Variants in ANKRD24 observed in about 807,000 individuals in gnomAD.
ANKRD24 encodes the protein ankyrin repeat domain 24.
In ANKRD24, 109 loss-of-function variants were observed where a neutral mutation model predicts 127.8. The observed-to-expected ratio is 0.85, with a 90% CI of 0.73 to 1.00. ANKRD24 has a LOEUF of 1.00. Ranked by LOEUF, ANKRD24 falls within the 50% of genes least tolerant of loss-of-function variation. The probability of loss-of-function intolerance (pLI) is 0.00; values close to 1 mark genes in which losing one functional copy is unlikely to be tolerated. For missense variants in ANKRD24, 1,648 were observed against 1,570.2 expected, an observed-to-expected ratio of 1.05 and a Z score of -0.84; for synonymous variants, 743 against 671.1, an observed-to-expected ratio of 1.11 and a Z score of -1.66.
intron 15 of ANKRD24, among the ~76,000 whole-genome samples, chr19:4,214,753 C>CT (rs1450670011): frequency 2.6e-5 from 4 of 152,122 alleles, no homozygotes; most frequent in Non-Finnish European, 5.9e-5. Context: ...ACTCGGGAGG[C>CT]TAAGGCAGGA....
chr19:4,207,684 T>C, intron 9 of ANKRD24, 77 bp downstream of exon 9: 1 of 1,596,456 alleles, frequency 6.3e-7, no homozygotes, highest in South Asian at 1.1e-5. Context: ...TAAGACGATC[T>C]AGCCAGCCTC....
chr19:4,212,444 T>A (rs1014942906), intron 13 of ANKRD24, 31 bp from the exon 14 acceptor site: 1 of 1,572,504 alleles, frequency 6.4e-7, no homozygotes, highest in African/African-American at 1.4e-5. Flanking sequence ...CTTGCCCAGA[T>A]CCAAACCCCT....
At position 4,200,120 on chromosome 19, in the gene ANKRD24, C is replaced by A; in HGVS notation, c.292C>A (p.Leu98Met). ...LAAMRGAASC[L>M]EVMIAHGSNV... ...GGCCATGCGGGGTGCGGCCAGCTGT[C>A]TGGAGGTGATGATAGCTCATGGCAG... The change falls in exon 5 of 22, where the codon CTG becomes ATG. Residue 98 changes from leucine to methionine, a missense_variant. Coordinates refer to ENST00000318934, the MANE Select transcript of ANKRD24 (RefSeq NM_001393985.1). The A allele has an allele frequency of 6.2e-7, 1 of 1,606,648 alleles. No individual in the cohort carries two copies. Among genetic ancestry groups the A allele is most frequent in the East Asian group, 2.2e-5 (1 of 44,526 alleles).
At chr19:4,219,548 G>C (rs1221022361) in intron 18 of ANKRD24, 43 bp from the exon 19 acceptor site, 1 of 1,557,012 alleles carries the variant, frequency 6.4e-7, no homozygotes, top group Non-Finnish European at 8.7e-7. Flanking sequence ...AGCATCATTG[G>C]AGTCTTAGTG....
At chr19:4,202,204 A>T in intron 6 of ANKRD24, 114 bp downstream of exon 6, 2 of 966,618 alleles carry the variant, frequency 2.1e-6, no homozygotes, top group Non-Finnish European at 3.3e-6. Flanking sequence ...GGCCCCTTTT[A>T]CTCCAGAACC....
rs1968073995 is a variant in ANKRD24 at position 4,186,529 on chromosome 19, C to T, written c.36+68C>T. On this transcript the variant is annotated intron_variant, in intron 2 of 21. Transcript: ENST00000318934. ...CAGCCTTCTGTCTCCTGGGGCTTGG[C>T]TGAAGATCCACCCTTTCATTCCAGT... The T allele has an allele frequency of 3.3e-6, 5 of 1,526,112 alleles. No individual in the cohort carries two copies. The African/African-American group carries it at 5.5e-5, about 17-fold the overall frequency. The allele number at this position is 1,526,112 out of a possible 1,614,324, so 94.5% of individuals were successfully genotyped here.
chr19:4,185,277 T>A (rs1967997774), intron 1 of ANKRD24, among the ~76,000 whole-genome samples: 2 of 150,218 alleles, frequency 1.3e-5, no homozygotes, highest in South Asian at 4.2e-4. Flanking sequence ...TGAAGAACCA[T>A]GAGAACATGA....
At chr19:4,223,586 T>C (rs1970582631) in intron 20 of ANKRD24, among the ~76,000 whole-genome samples, 1 of 150,352 alleles carries the variant, frequency 6.7e-6, no homozygotes, top group Admixed American at 6.6e-5. Flanking sequence ...TTTTTGTTTT[T>C]TTTGAGTCTC....
In ANKRD24 at chr19:4,205,585, C is replaced by T. The variant is rs534957327; in HGVS notation, c.467-1657C>T. 3.3e-5 allele frequency among the ~76,000 whole-genome samples: 5 copies of T among 152,288 alleles called. No individual in the cohort carries two copies. The South Asian group carries it at 6.2e-4, about 19-fold the overall frequency. On this transcript the variant is annotated intron_variant, in intron 7 of 21. Coordinates refer to ENST00000318934, the MANE Select transcript of ANKRD24 (RefSeq NM_001393985.1). ...TAGACAGGCCAGGCACAGTGGTGCA[C>T]GCCTGTAATCCTAGCACTATGGGAG...
At chr19:4,183,864 C>T (rs1327524993) in intron 1 of ANKRD24, among the ~76,000 whole-genome samples, 1 of 152,054 alleles carries the variant, frequency 6.6e-6, no homozygotes, top group African/African-American at 2.4e-5. Context: ...CCGGAGATCG[C>T]GCCATTGCAC....
intron 20 of ANKRD24, among the ~76,000 whole-genome samples, chr19:4,223,294 A>C (rs998677736): frequency 6.7e-6 from 1 of 148,772 alleles, no homozygotes; most frequent in Non-Finnish European, 1.5e-5. Context: ...CAGTGGTGCA[A>C]TCATAGCTCA....
At position 4,199,933 on chromosome 19, in the gene ANKRD24, C is replaced by T. The variant is rs1238751527; in HGVS notation, c.182C>T (p.Ala61Val). Residue 61 changes from alanine to valine, a missense_variant, in exon 4 of 22, where the codon GCA becomes GTA. Coordinates refer to ENST00000318934, the MANE Select transcript of ANKRD24 (RefSeq NM_001393985.1). The surrounding 1 kb of genome is among the most constrained non-coding windows in gnomAD (Gnocchi z 5.2). ...RLLQAVENND[A>V]PRVAALIARK... ...CTACAAGCCGTGGAAAACAACGATG[C>T]ACCTCGGGTGGCCGCCCTCATCGCC... 2 of 1,568,742 alleles carry T rather than the reference C, an allele frequency of 1.3e-6. No homozygotes were observed. The highest frequency in any genetic ancestry group is 8.6e-7 in the Non-Finnish European group (1 of 1,157,558).
At chr19:4,190,172 A>C (rs1471744875) in intron 2 of ANKRD24, among the ~76,000 whole-genome samples, 1 of 152,016 alleles carries the variant, frequency 6.6e-6, no homozygotes, top group Non-Finnish European at 1.5e-5. Context: ...GTGGTGGCTC[A>C]CATCTGTAAT....
Position 4,199,442 on chromosome 19 carries a change from G to A in ANKRD24, c.37-241G>A. ...GCCCAGGTTTGTCTCAAACTCCTAG[G>A]CTCAAGCGATCCTCCCACCTTGGCC... On this transcript the variant is annotated intron_variant, in intron 2 of 21. Transcript: ENST00000318934. The surrounding 1 kb of genome is among the most constrained non-coding windows in gnomAD (Gnocchi z 5.2). The A allele has an allele frequency of 3.2e-6, 3 of 946,658 alleles. No individual in the cohort carries two copies. In the South Asian group the frequency reaches 1.5e-4, roughly 46 times the overall value. The allele number at this position is 946,658 out of a possible 1,614,324, so 58.6% of individuals were successfully genotyped here. A position where few individuals can be genotyped will look rare whatever the true frequency, so the allele number is the denominator to read the frequency against.
intron 11 of ANKRD24, among the ~76,000 whole-genome samples, chr19:4,209,757 C>A (rs1336190249): frequency 6.6e-6 from 1 of 152,172 alleles, no homozygotes; most frequent in African/African-American, 2.4e-5. Flanking sequence ...GGCCCCTCTC[C>A]CAGTTTTAAA....
At chr19:4,203,277 G>C (rs1297517841) in intron 7 of ANKRD24, among the ~76,000 whole-genome samples, 1 of 152,146 alleles carries the variant, frequency 6.6e-6, no homozygotes, top group Non-Finnish European at 1.5e-5. Flanking sequence ...TCGAACTCCT[G>C]ACCTCAGGTG....
At chr19:4,212,910 A>T (rs1229252736) in intron 15 of ANKRD24, among the ~76,000 whole-genome samples, 1 of 152,190 alleles carries the variant, frequency 6.6e-6, no homozygotes, top group Admixed American at 6.5e-5. Flanking sequence ...AGGCGGGCGG[A>T]TCACGAGGTC....
rs142917916 is a variant in ANKRD24, at chr19:4,198,487, G to A, written c.37-1196G>A. The A allele has an allele frequency of 0.017, 10,875 of 621,754 alleles. 434 individuals carry two copies. Among genetic ancestry groups the A allele is most frequent in the African/African-American group, 0.12 (6,327 of 52,490 alleles). The allele number at this position is 621,754 out of a possible 1,614,324, so 38.5% of individuals were successfully genotyped here. On this transcript the variant is annotated intron_variant, in intron 2 of 21. Coordinates refer to ENST00000318934, the MANE Select transcript of ANKRD24 (RefSeq NM_001393985.1). The surrounding 1 kb of genome is among the most constrained non-coding windows in gnomAD (Gnocchi z 6.1). ...GTGCGCCCCCCGCGCCCCGCGCCCC[G>A]GACGCCATGAAGCAGCTGTGTCTGT... is the stretch of plus-strand genomic sequence containing the variant.
rs1023153568 is a variant in ANKRD24 at position 4,218,991 on chromosome 19, C to T, written c.3004-600C>T. On this transcript the variant is annotated intron_variant, in intron 18 of 21. Coordinates refer to ENST00000318934, the MANE Select transcript of ANKRD24 (RefSeq NM_001393985.1). Reference sequence around the variant, plus strand: ...CCATGTTGCCCACGCTGGTCTCAAACACCTGAGCTCATGGCCGGGCACCGT... The same window carrying T: ...CCATGTTGCCCACGCTGGTCTCAAATACCTGAGCTCATGGCCGGGCACCGT... Among the ~76,000 whole-genome samples the T allele has an allele frequency of 3.9e-5, 6 of 152,104 alleles. No individual in the cohort carries two copies. The East Asian group carries it at 7.7e-4, about 20-fold the overall frequency.
Sources: allele counts gnomAD v4.1 joint callset (sites outside exome capture counted in the v4.1 genomes callset), GRCh38; gene constraint gnomAD v4.1.1; non-coding constraint Gnocchi (gnomAD v3.1); transcripts MANE v1.5; gene names NCBI Gene and HGNC (gene_info 2026-07-23, HGNC 2026-07-21).